Variants in NEK1 observed in about 807,000 individuals in gnomAD.
NEK1 encodes the protein serine/threonine-protein kinase Nek1.
Under a neutral mutation model 182.1 loss-of-function variants are expected in NEK1, and 137 were observed. The observed-to-expected ratio is 0.75, with a 90% CI of 0.65 to 0.87. The LOEUF is 0.87. Among genes scored for constraint, NEK1 ranks in the 40% least tolerant of loss-of-function variants. The probability of loss-of-function intolerance (pLI) is 0.00; values close to 1 mark genes in which losing one functional copy is unlikely to be tolerated. For synonymous variants in NEK1, 513 were observed against 492.2 expected, an observed-to-expected ratio of 1.04 and a Z score of -0.56; for missense variants, 1,391 against 1,494.4, an observed-to-expected ratio of 0.93 and a Z score of 1.14.
intron 18 of NEK1, chr4:169,554,832 T>C (rs752829508): frequency 6.6e-6 from 1 of 152,242 alleles, no homozygotes; most frequent in Admixed American, 6.5e-5. Context: ...AATGGATCGA[T>C]GTTTGATCAT....
At chr4:169,419,740 A>C (rs1419291705) in intron 31 of NEK1, among the ~76,000 whole-genome samples, 1 of 152,234 alleles carries the variant, frequency 6.6e-6, no homozygotes, top group African/African-American at 2.4e-5. Context: ...AGCCTACTAC[A>C]TATCTAGGAT....
At chr4:169,488,832 A>G (rs1180401196) in intron 23 of NEK1, among the ~76,000 whole-genome samples, 1 of 152,184 alleles carries the variant, frequency 6.6e-6, no homozygotes, top group African/African-American at 2.4e-5. Flanking sequence ...TAGACTTTCT[A>G]TTGAAATAAT....
chr4:169,464,864 T>C (rs1055439019), intron 26 of NEK1, among the ~76,000 whole-genome samples: 15 of 152,224 alleles, frequency 9.9e-5, no homozygotes, highest in South Asian at 2.1e-4. Context: ...TACTTCCTTA[T>C]TGACAATAAT....
At chr4:169,482,628 T>C (rs1748265594) in intron 23 of NEK1, among the ~76,000 whole-genome samples, 1 of 151,472 alleles carries the variant, frequency 6.6e-6, no homozygotes, top group African/African-American at 2.4e-5. Flanking sequence ...GTGTGTTCAC[T>C]GGAGTAGAAC....
Position 169,588,718 on chromosome 4 carries a change from C to T in NEK1, c.482G>A (p.Arg161Gln), listed in dbSNP as rs1041766237. The part of the protein sequence containing the change: ...RVLNSTVELA[R>Q]TCIGTPYYLS... ...GTAGTATGGGGTCCCTATGCAAGTT[C>T]GAGCCAGCTCTACAGTACTAGAAGA... The change falls in exon 8 of 36, where the codon CGA becomes CAA. Residue 161 changes from arginine to glutamine, a missense_variant. Coordinates refer to ENST00000507142, the MANE Select transcript of NEK1 (RefSeq NM_001199397.3). 2.4e-5 allele frequency: 37 copies of T among 1,547,348 alleles called. No homozygotes were observed. Among genetic ancestry groups the T allele is most frequent in the African/African-American group, 6.9e-5 (5 of 72,882 alleles).
At position 169,456,527 on chromosome 4, in the gene NEK1, A is replaced by G. The variant is rs139811191; in HGVS notation, c.2587+6716T>C. 2.0e-3 allele frequency among the ~76,000 whole-genome samples: 308 copies of G among 152,316 alleles called. 1 individual carries two copies. Among genetic ancestry groups the G allele is most frequent in the African/African-American group, 7.0e-3 (289 of 41,572 alleles). ...AATCAGAGATGAAAAAGGAGGAATT[A>G]TAATACAACTGATACTGCAGAAATT... On this transcript the variant is annotated intron_variant, in intron 27 of 35. Coordinates refer to ENST00000507142, the MANE Select transcript of NEK1 (RefSeq NM_001199397.3).
At chr4:169,490,118 C>T (rs562753034) in intron 23 of NEK1, among the ~76,000 whole-genome samples, 1 of 152,266 alleles carries the variant, frequency 6.6e-6, no homozygotes, top group South Asian at 2.1e-4. Flanking sequence ...ATAACCTATG[C>T]TGCTACCACT....
In NEK1 at chr4:169,576,914, T is replaced by C; in HGVS notation, c.1020+14A>G. ...GAATTTGTTATTAACACATGGTATG[T>C]AACATGATCATACCTGTTTATGTTT... On this transcript the variant is annotated intron_variant, in intron 12 of 35. Transcript: ENST00000507142. 3 of 1,581,960 alleles carry C rather than the reference T, an allele frequency of 1.9e-6. No homozygotes were observed. The highest frequency in any genetic ancestry group is 2.6e-6 in the Non-Finnish European group (3 of 1,162,466).
At chr4:169,523,591 A>G (rs1355012246) in intron 19 of NEK1, among the ~76,000 whole-genome samples, 2 of 152,226 alleles carry the variant, frequency 1.3e-5, no homozygotes, top group African/African-American at 4.8e-5. Flanking sequence ...CTGATCTTGG[A>G]CTTCTTGCCC....
intron 12 of NEK1, among the ~76,000 whole-genome samples, chr4:169,568,721 G>C (rs913806121): frequency 6.6e-6 from 1 of 152,078 alleles, no homozygotes; most frequent in Non-Finnish European, 1.5e-5. Context: ...GATCACTTGA[G>C]GTCAGGAGTT....
intron 12 of NEK1, among the ~76,000 whole-genome samples, chr4:169,566,040 A>G (rs1763627662): frequency 1.3e-5 from 2 of 152,216 alleles, no homozygotes; most frequent in South Asian, 4.1e-4. Flanking sequence ...ATAGAGCCCT[A>G]CATTCCATAT....
rs191602671 is a variant in NEK1, at chr4:169,547,592, C to T, written c.1562+8128G>A. Reference sequence around the variant, plus strand: ...TTTTCCAAGTTGGTTTCATTCTCCCCGTCACTTTCAGGTACACCAAACAAA... The same window carrying T: ...TTTTCCAAGTTGGTTTCATTCTCCCTGTCACTTTCAGGTACACCAAACAAA... On this transcript the variant is annotated intron_variant, in intron 18 of 35. Coordinates refer to ENST00000507142, the MANE Select transcript of NEK1 (RefSeq NM_001199397.3). 4.0e-3 allele frequency among the ~76,000 whole-genome samples: 611 copies of T among 152,246 alleles called. 7 individuals carry two copies. Among genetic ancestry groups the T allele is most frequent in the South Asian group, 0.03 (144 of 4,810 alleles).
intron 18 of NEK1, among the ~76,000 whole-genome samples, chr4:169,546,862 A>G (rs570734347): frequency 1.8e-3 from 278 of 152,232 alleles, no homozygotes; most frequent in African/African-American, 6.6e-3. Context: ...TTGAGCCTAC[A>G]CGTGTCTTTG....
chr4:169,553,939 T>G (rs1367048062), intron 18 of NEK1: 1 of 152,192 alleles, frequency 6.6e-6, no homozygotes, highest in African/African-American at 2.4e-5. Context: ...GGTGACTTCT[T>G]ACAAAATCAA....
At position 169,590,792 on chromosome 4, in the gene NEK1, T is replaced by C; in HGVS notation, c.330A>G (p.Val110=). 1.3e-6 allele frequency: 2 copies of C among 1,595,646 alleles called. No homozygotes were observed. Among genetic ancestry groups the C allele is most frequent in the South Asian group, 1.1e-5 (1 of 87,756 alleles). ...CATGTTTCAGGGCCAAACATATCTG[T>C]ACAAACCAGTCCAAAATCTAGGAAG... ...FQEDQILDWF[V]QICLALKHVH... is the part of the protein sequence containing the mutation. The change falls in exon 6 of 36, where the codon GTA becomes GTG. Residue 110 remains valine, a synonymous_variant. Transcript: ENST00000507142.
chr4:169,471,382 T>A (rs1166895946), intron 26 of NEK1, among the ~76,000 whole-genome samples: 2 of 152,188 alleles, frequency 1.3e-5, no homozygotes, highest in Non-Finnish European at 2.9e-5. Context: ...GTCAGGCCCC[T>A]CTTCTGCAGG....
At chr4:169,435,386 G>C (rs1738215279) in intron 28 of NEK1, among the ~76,000 whole-genome samples, 1 of 152,052 alleles carries the variant, frequency 6.6e-6, no homozygotes, top group Admixed American at 6.6e-5. Context: ...GATTTTTTTG[G>C]GGGGTAGGGA....
At chr4:169,449,096 C>T (rs1288695855) in intron 27 of NEK1, among the ~76,000 whole-genome samples, 1 of 152,252 alleles carries the variant, frequency 6.6e-6, no homozygotes. Flanking sequence ...AGCAGCCTGA[C>T]TCGGGGAGGG....
At chr4:169,585,794 G>A (rs1478563249) in intron 9 of NEK1, among the ~76,000 whole-genome samples, 3 of 151,918 alleles carry the variant, frequency 2.0e-5, no homozygotes, top group Admixed American at 6.6e-5. Flanking sequence ...TTAAATAAAC[G>A]TTTCATAAAC....
Sources: gnomAD v4.1 joint callset for allele counts (sites outside exome capture counted in the v4.1 genomes callset) on GRCh38, gnomAD v4.1.1 for gene constraint, MANE v1.5 for transcripts, NCBI Gene and HGNC (gene_info 2026-07-23, HGNC 2026-07-21) for gene names.